The following CDKAL1 variants were observed in gnomAD, a reference collection of about 807,000 sequenced individuals.
CDKAL1 encodes the protein threonylcarbamoyladenosine tRNA methylthiotransferase.
Under a neutral mutation model 68.2 loss-of-function variants are expected in CDKAL1, and 32 were observed. The observed-to-expected ratio is 0.47, with a 90% confidence interval of 0.35 to 0.63. The LOEUF (loss-of-function observed/expected upper bound fraction) is 0.63. Ranked by LOEUF, CDKAL1 falls within the 30% of genes least tolerant of loss-of-function variation. CDKAL1 has a pLI of 0.00. For missense variants in CDKAL1, 606 were observed against 696.7 expected, an observed-to-expected ratio of 0.87 and a Z score of 1.47; for synonymous variants, 234 against 244.3, an observed-to-expected ratio of 0.96 and a Z score of 0.39.
intron 5 of CDKAL1, among the ~76,000 whole-genome samples, chr6:20,714,528 A>G (rs1772001360): frequency 6.6e-6 from 1 of 151,398 alleles, no homozygotes; most frequent in Non-Finnish European, 1.5e-5. Context: ...AGCTGACACT[A>G]CAGGTGCGCA....
At chr6:20,715,601 T>A (rs1446535945) in intron 5 of CDKAL1, among the ~76,000 whole-genome samples, 1 of 152,182 alleles carries the variant, frequency 6.6e-6, no homozygotes, top group Admixed American at 6.5e-5. Flanking sequence ...CATATGGTAG[T>A]TCTATTTTTA....
intron 8 of CDKAL1, among the ~76,000 whole-genome samples, chr6:20,798,067 C>T (rs781365930): frequency 1.1e-4 from 17 of 152,078 alleles, no homozygotes; most frequent in South Asian, 4.1e-4. Flanking sequence ...CTTCCCACCT[C>T]GGCCTCCCAA....
chr6:20,716,012 G>A (rs1056871856), intron 5 of CDKAL1, among the ~76,000 whole-genome samples: 10 of 152,150 alleles, frequency 6.6e-5, no homozygotes, highest in African/African-American at 2.4e-4. Context: ...GTGAGAGACA[G>A]CTAGTGCGTG....
intron 13 of CDKAL1, among the ~76,000 whole-genome samples, chr6:21,125,489 A>G (rs887831169): frequency 1.3e-5 from 2 of 152,146 alleles, no homozygotes; most frequent in Non-Finnish European, 2.9e-5. Context: ...CCTGACCAAC[A>G]TGGAGAAACC....
intron 8 of CDKAL1, among the ~76,000 whole-genome samples, chr6:20,810,363 G>A (rs1776740901): frequency 7.6e-6 from 1 of 131,048 alleles, no homozygotes; most frequent in African/African-American, 2.8e-5. Context: ...GCAACATAGT[G>A]AGAGTCTCTC....
At chr6:20,850,663 C>T (rs7763216) in intron 9 of CDKAL1, among the ~76,000 whole-genome samples, 1,687 of 152,162 alleles carry the variant, frequency 0.011, 24 homozygotes, top group African/African-American at 0.038. Flanking sequence ...GTCTTGAACT[C>T]CTGGCCTCAA....
intron 8 of CDKAL1, among the ~76,000 whole-genome samples, chr6:20,788,730 C>T (rs1262800836): frequency 6.6e-6 from 1 of 152,088 alleles, no homozygotes; most frequent in African/African-American, 2.4e-5. Context: ...TCTCTGAGAC[C>T]CCTTCTACCC....
intron 13 of CDKAL1, among the ~76,000 whole-genome samples, chr6:21,192,029 T>C (rs1370242298): frequency 2.7e-5 from 3 of 112,852 alleles, no homozygotes; most frequent in African/African-American, 1.0e-4. Flanking sequence ...TTTTTTTTTT[T>C]TTTGAGACGG....
chr6:21,144,187 ACT>A (rs1271981409), intron 13 of CDKAL1, among the ~76,000 whole-genome samples: 1 of 152,076 alleles, frequency 6.6e-6, no homozygotes, highest in Non-Finnish European at 1.5e-5. Flanking sequence ...TAGCCAAATA[ACT>A]CTCAAACAAG....
chr6:21,219,512 A>G (rs1779458823), intron 15 of CDKAL1, among the ~76,000 whole-genome samples: 1 of 152,184 alleles, frequency 6.6e-6, no homozygotes, highest in Admixed American at 6.5e-5. Context: ...TTTCCTAACT[A>G]GTTTATCTGC....
At chr6:20,636,847 G>A (rs907532532) in intron 4 of CDKAL1, among the ~76,000 whole-genome samples, 1 of 152,060 alleles carries the variant, frequency 6.6e-6, no homozygotes, top group African/African-American at 2.4e-5. Context: ...GACCAGCCTG[G>A]CCAACATGGT....
At chr6:20,674,350 T>C (rs772992089) in intron 5 of CDKAL1, among the ~76,000 whole-genome samples, 2 of 152,190 alleles carry the variant, frequency 1.3e-5, no homozygotes, top group Non-Finnish European at 2.9e-5. Flanking sequence ...CTTTAGTACG[T>C]CCCCCATTAA....
chr6:20,763,518 C>T (rs1410894497), intron 7 of CDKAL1, among the ~76,000 whole-genome samples: 1 of 152,134 alleles, frequency 6.6e-6, no homozygotes, highest in Admixed American at 6.6e-5. Context: ...AGGCTCTGCC[C>T]AGAAGGGCCA....
intron 9 of CDKAL1, among the ~76,000 whole-genome samples, chr6:20,870,318 T>C (rs773897777): frequency 1.4e-4 from 21 of 152,232 alleles, no homozygotes; most frequent in Non-Finnish European, 3.1e-4. Context: ...TAAGCTACTT[T>C]AGTACTTTAA....
chr6:21,142,421 T>C (rs1350715450), intron 13 of CDKAL1, among the ~76,000 whole-genome samples: 2 of 152,070 alleles, frequency 1.3e-5, no homozygotes, highest in South Asian at 2.1e-4. Flanking sequence ...GTAGAGTTTA[T>C]GGTAACATAA....
At chr6:20,894,889 C>T (rs1761596511) in intron 9 of CDKAL1, among the ~76,000 whole-genome samples, 1 of 151,474 alleles carries the variant, frequency 6.6e-6, no homozygotes, top group Non-Finnish European at 1.5e-5. Flanking sequence ...GGTGAATTTT[C>T]CTCAGAGAAT....
At chr6:20,995,698 A>G (rs1767066568) in intron 10 of CDKAL1, among the ~76,000 whole-genome samples, 1 of 152,204 alleles carries the variant, frequency 6.6e-6, no homozygotes, top group Non-Finnish European at 1.5e-5. Flanking sequence ...TCAATTTATC[A>G]TAATTCTTGA....
intron 9 of CDKAL1, among the ~76,000 whole-genome samples, chr6:20,947,636 G>A (rs1025054192): frequency 2.8e-4 from 42 of 151,990 alleles, no homozygotes; most frequent in African/African-American, 1.0e-3. Context: ...AAAGAAAAAA[G>A]CATTTCATAC....
At chr6:20,774,045 A>G (rs960573976) in intron 7 of CDKAL1, among the ~76,000 whole-genome samples, 2 of 152,196 alleles carry the variant, frequency 1.3e-5, no homozygotes, top group African/African-American at 4.8e-5. Flanking sequence ...CCAGTCATCA[A>G]GAGATAAAAA....
Sources: gnomAD v4.1 joint callset for allele counts (sites outside exome capture counted in the v4.1 genomes callset) on GRCh38, gnomAD v4.1.1 for gene constraint, MANE v1.5 for transcripts, NCBI Gene and HGNC (gene_info 2026-07-23, HGNC 2026-07-21) for gene names.